The following EHBP1 variants were observed in gnomAD, a reference collection of about 807,000 sequenced individuals.
EHBP1 encodes EH domain-binding protein 1.
EHBP1 carries 55 observed loss-of-function variants against 144.0 expected under a neutral mutation model. The ratio of observed to expected loss-of-function variants is 0.38; its 90% CI spans 0.31 to 0.48. The LOEUF (loss-of-function observed/expected upper bound fraction) is 0.48. EHBP1 is among the 20% of genes least tolerant of loss of function. The probability of loss-of-function intolerance (pLI) is 0.98; values close to 1 mark genes in which losing one functional copy is unlikely to be tolerated. For missense variants in EHBP1, 1,200 were observed against 1,364.2 expected (o/e 0.88, Z 1.90); for synonymous variants, 469 against 472.7 (o/e 0.99, Z 0.10).
At chr2:62,899,185 T>A (rs1364359759) in intron 10 of EHBP1, among the ~76,000 whole-genome samples, 1 of 152,150 alleles carries the variant, frequency 6.6e-6, no homozygotes, top group Non-Finnish European at 1.5e-5. Flanking sequence ...AGAGAAGATG[T>A]TTCATTCATG....
chr2:62,769,959 T>G (rs1192490531), intron 4 of EHBP1, among the ~76,000 whole-genome samples: 1 of 152,140 alleles, frequency 6.6e-6, no homozygotes, highest in African/African-American at 2.4e-5. Context: ...AATAACTGGC[T>G]AGCCATATGC....
At chr2:62,896,815 C>T (rs1024947346) in intron 10 of EHBP1, among the ~76,000 whole-genome samples, 1 of 152,138 alleles carries the variant, frequency 6.6e-6, no homozygotes, top group African/African-American at 2.4e-5. Context: ...TCCAAACAGG[C>T]TTTTCTATCT....
intron 10 of EHBP1, among the ~76,000 whole-genome samples, chr2:62,890,240 A>C (rs1573922056): frequency 6.6e-6 from 1 of 152,090 alleles, no homozygotes; most frequent in Non-Finnish European, 1.5e-5. Context: ...CTAGCCCCAT[A>C]TGAAATTTAA....
intron 5 of EHBP1, among the ~76,000 whole-genome samples, chr2:62,824,826 TG>T (rs1196084740): frequency 6.6e-6 from 1 of 152,012 alleles, no homozygotes; most frequent in African/African-American, 2.4e-5. Context: ...TTTAATATTT[TG>T]ATTAAATTAG....
intron 1 of EHBP1, among the ~76,000 whole-genome samples, chr2:62,694,255 A>G (rs1386229661): frequency 1.3e-5 from 2 of 152,202 alleles, no homozygotes; most frequent in African/African-American, 4.8e-5. Context: ...AATATACTCT[A>G]GAAAGTGCAA....
intron 5 of EHBP1, among the ~76,000 whole-genome samples, chr2:62,819,236 A>C (rs934756057): frequency 3.3e-5 from 5 of 152,190 alleles, no homozygotes; most frequent in Non-Finnish European, 5.9e-5. Context: ...CTCATAAGAG[A>C]TTAAAGTTTA....
intron 15 of EHBP1, among the ~76,000 whole-genome samples, chr2:62,983,133 G>A (rs543385018): frequency 6.6e-6 from 1 of 152,252 alleles, no homozygotes; most frequent in African/African-American, 2.4e-5. Context: ...TGTAATTGTA[G>A]ACATGCGATG....
chr2:62,888,010 TATC>T (rs2052086124), intron 10 of EHBP1, among the ~76,000 whole-genome samples: 1 of 152,218 alleles, frequency 6.6e-6, no homozygotes, highest in Admixed American at 6.5e-5. Context: ...GCACATATGG[TATC>T]ATTTCTAAAA....
intron 15 of EHBP1, among the ~76,000 whole-genome samples, chr2:62,988,403 G>A (rs187491704): frequency 4.3e-4 from 66 of 152,068 alleles, no homozygotes; most frequent in African/African-American, 1.5e-3. Context: ...CCAAACCATG[G>A]GATCAGATTT....
At chr2:62,942,972 T>A in intron 11 of EHBP1, 76 bp downstream of exon 11, 3 of 1,075,904 alleles carry the variant, frequency 2.8e-6, no homozygotes, top group Non-Finnish European at 2.6e-6. Context: ...AATAATTTCT[T>A]AGCACATCCT....
intron 21 of EHBP1, 162 bp from the exon 22 acceptor site, chr2:63,044,904 C>G: frequency 1.7e-6 from 1 of 590,004 alleles, no homozygotes; most frequent in Non-Finnish European, 3.1e-6. Flanking sequence ...GCGAGGAAGC[C>G]TTCACCACAA....
At chr2:62,893,945 T>C (rs954254485) in intron 10 of EHBP1, among the ~76,000 whole-genome samples, 1 of 151,518 alleles carries the variant, frequency 6.6e-6, no homozygotes, top group Non-Finnish European at 1.5e-5. Context: ...GTAGGGAGAC[T>C]GAGGCAGGAG....
chr2:62,879,546 A>AACACACAC (rs70962798), intron 10 of EHBP1, among the ~76,000 whole-genome samples: 10,180 of 133,670 alleles, frequency 0.076, 437 homozygotes, highest in East Asian at 0.12. Flanking sequence ...TATTCACAAT[A>AACACACAC]ACACACACAC....
At chr2:62,874,305 T>A (rs2050710717) in intron 9 of EHBP1, 41 bp from the exon 10 acceptor site, 8 of 1,431,274 alleles carry the variant, frequency 5.6e-6, no homozygotes, top group Middle Eastern at 3.7e-4. Flanking sequence ...AAATGAACTA[T>A]TTTTTGAGAG....
chr2:63,045,261 T>C lies in EHBP1; in HGVS notation c.3392+81T>C. The C allele has an allele frequency of 7.0e-7, 1 of 1,437,616 alleles. No homozygotes were observed. The highest frequency in any genetic ancestry group is 9.6e-7 in the Non-Finnish European group (1 of 1,046,474). The allele number at this position is 1,437,616 out of a possible 1,614,324, so 89.1% of individuals were successfully genotyped here. ...GTGTGCGGAAAGTTCAATCCAGAGG[T>C]CGCGGGAGGGCCGGGGCAGCCTCCC... On this transcript the variant is annotated intron_variant, in intron 22 of 22. Transcript: ENST00000431489. The surrounding 1 kb of genome is among the most constrained non-coding windows in gnomAD (Gnocchi z 5.7).
chr2:62,749,958 CT>C (rs547797756), intron 3 of EHBP1, among the ~76,000 whole-genome samples: 26 of 152,198 alleles, frequency 1.7e-4, no homozygotes, highest in African/African-American at 6.3e-4. Flanking sequence ...ATGGTGGTTT[CT>C]TTTGCTGTGC....
At chr2:62,799,721 TA>T (rs1412102958) in intron 5 of EHBP1, among the ~76,000 whole-genome samples, 3 of 152,128 alleles carry the variant, frequency 2.0e-5, no homozygotes, top group East Asian at 1.9e-4. Context: ...GAATTACCTA[TA>T]GGGGGAAAAC....
chr2:62,937,156 CA>C (rs1261520722), intron 10 of EHBP1, among the ~76,000 whole-genome samples: 22 of 152,176 alleles, frequency 1.4e-4, no homozygotes, highest in African/African-American at 4.8e-4. Flanking sequence ...CCTCTGAAGA[CA>C]ATAAGAAGTT....
chr2:62,797,350 C>A (rs2043613037), intron 5 of EHBP1, among the ~76,000 whole-genome samples: 1 of 152,204 alleles, frequency 6.6e-6, no homozygotes, highest in Admixed American at 6.5e-5. Context: ...CAGAAAGCTA[C>A]TCCCATAGAG....
Sources: allele counts gnomAD v4.1 joint callset (sites outside exome capture counted in the v4.1 genomes callset), GRCh38; gene constraint gnomAD v4.1.1; non-coding constraint Gnocchi (gnomAD v3.1); transcripts MANE v1.5; gene names NCBI Gene and HGNC (gene_info 2026-07-23, HGNC 2026-07-21).